TNR: variants seen among roughly 807,000 people sequenced by gnomAD.
TNR encodes tenascin R, also known as tenascin-R.
In TNR, 45 loss-of-function variants were observed where a neutral mutation model predicts 150.4. The observed-to-expected ratio is 0.30, with a 90% CI of 0.24 to 0.38. TNR has a LOEUF of 0.38. TNR is among the 10% of genes least tolerant of loss of function. TNR has a pLI of 1.00. For synonymous variants in TNR, 687 were observed against 678.4 expected, an observed-to-expected ratio of 1.01 and a Z score of -0.20; for missense variants, 1,544 against 1,759.1, an observed-to-expected ratio of 0.88 and a Z score of 2.19.
At chr1:175,532,567 G>C (rs1437274905) in intron 1 of TNR, among the ~76,000 whole-genome samples, 2 of 152,162 alleles carry the variant, frequency 1.3e-5, no homozygotes, top group African/African-American at 4.8e-5. Flanking sequence ...TTTATCTACT[G>C]ATGCATAACA....
chr1:175,558,207 G>A (rs1392839803), intron 1 of TNR, among the ~76,000 whole-genome samples: 2 of 145,216 alleles, frequency 1.4e-5, no homozygotes, highest in African/African-American at 5.1e-5. Flanking sequence ...CACCAGCATG[G>A]CACATGTATA....
chr1:175,623,796 G>C (rs1419726515), intron 1 of TNR, among the ~76,000 whole-genome samples: 1 of 152,232 alleles, frequency 6.6e-6, no homozygotes, highest in East Asian at 1.9e-4. Flanking sequence ...TGACATAGGA[G>C]TCTTCTGGTC....
intron 1 of TNR, among the ~76,000 whole-genome samples, chr1:175,580,443 G>T (rs1662309938): frequency 6.6e-6 from 1 of 152,176 alleles, no homozygotes; most frequent in African/African-American, 2.4e-5. Flanking sequence ...GTCATTCAAA[G>T]CAATGCCTTT....
chr1:175,618,172 A>G (rs1356206170), intron 1 of TNR, among the ~76,000 whole-genome samples: 1 of 152,258 alleles, frequency 6.6e-6, no homozygotes, highest in Non-Finnish European at 1.5e-5. Flanking sequence ...AGTAAATTGT[A>G]TGGAAATAGA....
At chr1:175,566,458 A>G (rs911458489) in intron 1 of TNR, among the ~76,000 whole-genome samples, 4 of 152,238 alleles carry the variant, frequency 2.6e-5, no homozygotes, top group African/African-American at 7.2e-5. Flanking sequence ...TGTGCGGTGC[A>G]CATGGGCCCT....
intron 2 of TNR, among the ~76,000 whole-genome samples, chr1:175,472,589 A>T (rs1479939060): frequency 2.6e-5 from 4 of 152,208 alleles, no homozygotes; most frequent in African/African-American, 9.6e-5. Flanking sequence ...TCACTAGAGG[A>T]TAGGAATTTT....
intron 1 of TNR, among the ~76,000 whole-genome samples, chr1:175,592,770 C>G (rs1662851723): frequency 6.6e-6 from 1 of 152,208 alleles, no homozygotes; most frequent in South Asian, 2.1e-4. Context: ...GGCCCAGCCT[C>G]CATTTCCTTT....
At chr1:175,577,855 G>T (rs1157521280) in intron 1 of TNR, among the ~76,000 whole-genome samples, 1 of 152,144 alleles carries the variant, frequency 6.6e-6, no homozygotes, top group Non-Finnish European at 1.5e-5. Context: ...ACATTTTTCT[G>T]CAGGGAAAGA....
intron 9 of TNR, among the ~76,000 whole-genome samples, chr1:175,371,959 C>T (rs576846048): frequency 6.6e-6 from 1 of 151,980 alleles, no homozygotes; most frequent in East Asian, 1.9e-4. Context: ...ATTGCCATCC[C>T]CAATGTTGGT....
intron 2 of TNR, among the ~76,000 whole-genome samples, chr1:175,465,842 T>C (rs1166217512): frequency 6.6e-6 from 1 of 152,210 alleles, no homozygotes; most frequent in African/African-American, 2.4e-5. Flanking sequence ...CCTCCTCTTA[T>C]AAGCAGACCT....
rs556888072 is a variant in TNR at position 175,604,599 on chromosome 1, T to C, written c.-164-76230A>G. On this transcript the variant is annotated intron_variant, in intron 1 of 22. Transcript: ENST00000367674. ...AGCAGAGACAGACTGGCTGACTCCA[T>C]GGAGCTCCAGTTTTTTGAGAATCTA... Among the ~76,000 whole-genome samples the C allele has an allele frequency of 2.6e-5, 4 of 152,318 alleles. 1 individual carries two copies. Among genetic ancestry groups the C allele is most frequent in the African/African-American group, 9.6e-5 (4 of 41,580 alleles).
rs548068204 is a variant in TNR, at chr1:175,558,642, A to T, written c.-164-30273T>A. ...CTTCTGATACACCGTTATTGATCCC[A>T]TGGGAGTTTTACAGGATAAAAATTG... On this transcript the variant is annotated intron_variant, in intron 1 of 22. Coordinates refer to ENST00000367674, the MANE Select transcript of TNR (RefSeq NM_003285.3). 1.8e-4 allele frequency among the ~76,000 whole-genome samples: 28 copies of T among 152,310 alleles called. No individual in the cohort carries two copies. In the East Asian group the frequency reaches 5.4e-3, roughly 29 times the overall value.
intron 2 of TNR, among the ~76,000 whole-genome samples, chr1:175,427,261 T>C (rs1655033283): frequency 6.6e-6 from 1 of 151,160 alleles, no homozygotes; most frequent in Admixed American, 6.6e-5. Flanking sequence ...AGTCAGTGAG[T>C]GTGAGCCATG....
Position 175,403,127 on chromosome 1 carries a change from T to A in TNR, c.976+13A>T. On this transcript the variant is annotated intron_variant, in intron 4 of 22. Transcript: ENST00000367674. The stretch of plus-strand genomic sequence containing the variant: ...CACCCTTGCCAAACACCCCAGAGAG[T>A]TCCCCTGCCTACCTGCTGAGCAGTC... 2 of 1,599,654 alleles carry A rather than the reference T, an allele frequency of 1.3e-6. No homozygotes were observed. Among genetic ancestry groups the A allele is most frequent in the Non-Finnish European group, 8.6e-7 (1 of 1,169,428 alleles).
intron 3 of TNR, among the ~76,000 whole-genome samples, chr1:175,405,472 AG>A (rs1401772012): frequency 2.6e-5 from 4 of 152,200 alleles, no homozygotes; most frequent in Non-Finnish European, 5.9e-5. Flanking sequence ...GTAACTCACA[AG>A]GGTTACTAAT....
At chr1:175,656,907 G>A (rs745339070) in intron 1 of TNR, among the ~76,000 whole-genome samples, 1 of 152,204 alleles carries the variant, frequency 6.6e-6, no homozygotes, top group Non-Finnish European at 1.5e-5. Context: ...GTATATAGGT[G>A]TGCAGTTGTG....
chr1:175,674,337 C>T (rs1424482519), intron 1 of TNR, among the ~76,000 whole-genome samples: 1 of 152,186 alleles, frequency 6.6e-6, no homozygotes, highest in Non-Finnish European at 1.5e-5. Context: ...AACAGAAAGA[C>T]ATAGCTCTGA....
At chr1:175,487,682 C>T (rs1163687648) in intron 2 of TNR, among the ~76,000 whole-genome samples, 1 of 152,148 alleles carries the variant, frequency 6.6e-6, no homozygotes, top group African/African-American at 2.4e-5. Flanking sequence ...TCAACCTCAT[C>T]TGAAAATGGG....
In TNR at chr1:175,551,226, A is replaced by G. The variant is rs2142707; in HGVS notation, c.-164-22857T>C. Among the ~76,000 whole-genome samples the G allele has an allele frequency of 5.3e-5, 8 of 152,340 alleles. No individual in the cohort carries two copies. The South Asian group carries it at 1.0e-3, about 20-fold the overall frequency. On this transcript the variant is annotated intron_variant, in intron 1 of 22. Transcript: ENST00000367674. ...AGGCAACACTGGGTTCTAAAAGACA[A>G]TGGAGGAGTTTCTGCAAAATTCTGA...
Sources: gnomAD v4.1 joint callset for allele counts (sites outside exome capture counted in the v4.1 genomes callset) on GRCh38, gnomAD v4.1.1 for gene constraint, MANE v1.5 for transcripts, NCBI Gene and HGNC (gene_info 2026-07-23, HGNC 2026-07-21) for gene names.